TMTC2: variants seen among roughly 807,000 people sequenced by gnomAD.
The protein encoded by TMTC2 is transmembrane O-mannosyltransferase targeting cadherins 2.
In TMTC2, 43 loss-of-function variants were observed where a neutral mutation model predicts 82.4. That is an observed-to-expected ratio of 0.52 (90% confidence interval 0.41 to 0.67). The LOEUF (loss-of-function observed/expected upper bound fraction) is 0.67, where lower values mean the gene tolerates loss of function less well. TMTC2 is among the 30% of genes least tolerant of loss of function. The pLI, the probability that TMTC2 is intolerant of heterozygous loss-of-function variation, is 0.00. For missense variants in TMTC2, 919 were observed against 1,012.4 expected, an observed-to-expected ratio of 0.91 and a Z score of 1.25; for synonymous variants, 408 against 381.9, an observed-to-expected ratio of 1.07 and a Z score of -0.80.
intron 8 of TMTC2, among the ~76,000 whole-genome samples, chr12:82,992,931 C>T (rs1879458476): frequency 6.6e-6 from 1 of 152,104 alleles, no homozygotes; most frequent in African/African-American, 2.4e-5. Flanking sequence ...CATTAAAGGC[C>T]ACATGAGATA....
At chr12:83,087,838 C>T (rs906897818) in intron 11 of TMTC2, among the ~76,000 whole-genome samples, 2 of 152,124 alleles carry the variant, frequency 1.3e-5, no homozygotes, top group African/African-American at 4.8e-5. Context: ...TGTAAGGGCC[C>T]TAGGAGTTTT....
At chr12:82,992,348 T>C (rs1682578) in intron 8 of TMTC2, among the ~76,000 whole-genome samples, 29 of 152,334 alleles carry the variant, frequency 1.9e-4, no homozygotes, top group African/African-American at 7.0e-4. Context: ...TGTTTGTTTG[T>C]TTATTTATTA....
intron 1 of TMTC2, among the ~76,000 whole-genome samples, chr12:82,692,572 G>A (rs561361538): frequency 6.6e-6 from 1 of 152,162 alleles, no homozygotes; most frequent in Non-Finnish European, 1.5e-5. Context: ...AAAAATCTGT[G>A]GCTGACAAAC....
At chr12:83,105,000 C>A (rs1884348161) in intron 11 of TMTC2, among the ~76,000 whole-genome samples, 1 of 152,110 alleles carries the variant, frequency 6.6e-6, no homozygotes, top group African/African-American at 2.4e-5. Flanking sequence ...TTTCTTCTGC[C>A]AGATACCCTA....
chr12:82,889,726 A>G (rs1873299983), intron 2 of TMTC2, among the ~76,000 whole-genome samples: 2 of 152,220 alleles, frequency 1.3e-5, no homozygotes, highest in African/African-American at 4.8e-5. Flanking sequence ...ATGCTGTTAT[A>G]GAATGATTTG....
rs545970258 is a variant in TMTC2, at chr12:82,712,161, A to G, written c.83+24492A>G. ...AGAAGAGCCACCTTGGCTGGGTGCA[A>G]TGGCTTACGCCTGTAATCCTAGCAT... On this transcript the variant is annotated intron_variant, in intron 1 of 11. Coordinates refer to ENST00000321196, the MANE Select transcript of TMTC2 (RefSeq NM_152588.3). 3.5e-4 allele frequency among the ~76,000 whole-genome samples: 53 copies of G among 152,242 alleles called. No individual in the cohort carries two copies. The East Asian group carries it at 4.1e-3, about 12-fold the overall frequency.
rs150237234 is a variant in TMTC2 at position 83,027,526 on chromosome 12, A to G, written c.2071-3272A>G. On this transcript the variant is annotated intron_variant, in intron 8 of 11. Transcript: ENST00000321196. ...TTATAATGCTGATGAGGAAAAAAAA[A>G]TGATTTCGTCATATGTCATTTCACT... Among the ~76,000 whole-genome samples, 716 of 152,162 alleles carry G rather than the reference A, an allele frequency of 4.7e-3. 10 individuals are homozygous for G. Among genetic ancestry groups the G allele is most frequent in the African/African-American group, 0.017 (687 of 41,522 alleles).
chr12:82,729,799 A>G (rs1027239205), intron 1 of TMTC2, among the ~76,000 whole-genome samples: 3 of 152,170 alleles, frequency 2.0e-5, no homozygotes, highest in East Asian at 1.9e-4. Context: ...TGCTCTTTGC[A>G]ATAAATCTTG....
intron 1 of TMTC2, among the ~76,000 whole-genome samples, chr12:82,739,858 A>G (rs1047109197): frequency 2.0e-5 from 3 of 150,828 alleles, no homozygotes; most frequent in Non-Finnish European, 2.9e-5. Flanking sequence ...AGAGTTGACT[A>G]TAGAACCAGT....
chr12:82,874,653 A>T lies in TMTC2; in HGVS notation c.654+17073A>T, dbSNP rs117336382. ...AATACCCCCTTTTCTCCCTTTTATC[A>T]TGAAGTTATCTTTTCCATTATCTTT... On this transcript the variant is annotated intron_variant, in intron 2 of 11. Coordinates refer to ENST00000321196, the MANE Select transcript of TMTC2 (RefSeq NM_152588.3). Among the ~76,000 whole-genome samples, 11 of 152,210 alleles carry T rather than the reference A, an allele frequency of 7.2e-5. No individual in the cohort carries two copies. The East Asian group carries it at 1.9e-3, about 27-fold the overall frequency.
At chr12:82,795,233 AG>A (rs1462766592) in intron 1 of TMTC2, among the ~76,000 whole-genome samples, 1 of 148,136 alleles carries the variant, frequency 6.8e-6, no homozygotes, top group Non-Finnish European at 1.5e-5. Context: ...TGAACCTGGG[AG>A]GCAGGGGTTG....
intron 1 of TMTC2, among the ~76,000 whole-genome samples, chr12:82,794,375 TGTG>T (rs1878617389): frequency 6.6e-6 from 1 of 152,156 alleles, no homozygotes; most frequent in African/African-American, 2.4e-5. Context: ...AAAAAGGGCC[TGTG>T]TTGGGGGGAA....
rs1881399711 is a variant in TMTC2 at position 83,030,812 on chromosome 12, G to A, written c.2085G>A (p.Glu695=). 5 of 1,613,326 alleles carry A rather than the reference G, an allele frequency of 3.1e-6. No individual in the cohort carries two copies. The East Asian group carries it at 1.1e-4, about 36-fold the overall frequency. The part of the protein sequence containing the change: ...KLLALTGRKS[E]AEKLFLKAIE... Reference sequence around the variant, plus strand: ...TGTTTTTCAAGGGTCGTAAGAGTGAGGCTGAAAAGCTCTTCTTGAAGGCTA... The same window carrying A: ...TGTTTTTCAAGGGTCGTAAGAGTGAAGCTGAAAAGCTCTTCTTGAAGGCTA... Residue 695 remains glutamate, a synonymous_variant, in exon 9 of 12, where the codon GAG becomes GAA. Coordinates refer to ENST00000321196, the MANE Select transcript of TMTC2 (RefSeq NM_152588.3).
chr12:82,735,995 A>T (rs932868847), intron 1 of TMTC2, among the ~76,000 whole-genome samples: 1 of 151,492 alleles, frequency 6.6e-6, no homozygotes, highest in Non-Finnish European at 1.5e-5. Context: ...ACACACACAC[A>T]CACACACAAT....
intron 1 of TMTC2, among the ~76,000 whole-genome samples, chr12:82,811,374 G>T (rs928549659): frequency 6.6e-6 from 1 of 151,984 alleles, no homozygotes; most frequent in Non-Finnish European, 1.5e-5. Context: ...ATCTGCCCTT[G>T]TAGAAATTTT....
At chr12:82,986,135 T>C in intron 8 of TMTC2, 89 bp downstream of exon 8, 1 of 1,561,464 alleles carries the variant, frequency 6.4e-7, no homozygotes, top group South Asian at 1.1e-5. Flanking sequence ...TTACAGCCAG[T>C]TATCTAAGCT....
At chr12:82,744,305 C>T (rs150684619) in intron 1 of TMTC2, among the ~76,000 whole-genome samples, 2,557 of 152,240 alleles carry the variant, frequency 0.017, 32 homozygotes, top group Middle Eastern at 0.044. Context: ...ATGCCGTAGT[C>T]CCAGCTACTC....
At chr12:83,067,634 G>T (rs1239619465) in intron 11 of TMTC2, among the ~76,000 whole-genome samples, 1 of 151,984 alleles carries the variant, frequency 6.6e-6, no homozygotes, top group African/African-American at 2.4e-5. Context: ...GGGAAGAAAG[G>T]ATAGAATTTT....
intron 7 of TMTC2, among the ~76,000 whole-genome samples, chr12:82,980,860 A>G (rs1419126889): frequency 1.3e-5 from 2 of 151,878 alleles, no homozygotes; most frequent in Non-Finnish European, 2.9e-5. Flanking sequence ...CTGAAGCACG[A>G]TGTCTATGTT....
Sources: allele counts gnomAD v4.1 joint callset (sites outside exome capture counted in the v4.1 genomes callset), GRCh38; gene constraint gnomAD v4.1.1; transcripts MANE v1.5; gene names NCBI Gene and HGNC (gene_info 2026-07-23, HGNC 2026-07-21).